EHBP1: variants seen among roughly 807,000 people sequenced by gnomAD.
EHBP1 encodes the protein EH domain binding protein 1, also known as EH domain-binding protein 1.
In EHBP1, 55 loss-of-function variants were observed where a neutral mutation model predicts 144.0. That is an observed-to-expected ratio of 0.38 (90% confidence interval 0.31 to 0.48). The LOEUF (loss-of-function observed/expected upper bound fraction) is 0.48. EHBP1 is among the 20% of genes least tolerant of loss of function. EHBP1 has a pLI of 0.98. For synonymous variants in EHBP1, 469 were observed against 472.7 expected (o/e 0.99, Z 0.10); for missense variants, 1,200 against 1,364.2 (o/e 0.88, Z 1.90).
intron 2 of EHBP1, among the ~76,000 whole-genome samples, chr2:62,732,272 T>C (rs1385930950): frequency 6.6e-6 from 1 of 152,224 alleles, no homozygotes; most frequent in African/African-American, 2.4e-5. Context: ...TTGGTGTCTA[T>C]TAATTTTTGG....
intron 5 of EHBP1, among the ~76,000 whole-genome samples, chr2:62,785,514 T>A (rs919050145): frequency 2.6e-5 from 4 of 152,154 alleles, no homozygotes; most frequent in African/African-American, 9.7e-5. Flanking sequence ...TCCAGATTTC[T>A]AGTTTGAATG....
intron 10 of EHBP1, among the ~76,000 whole-genome samples, chr2:62,931,430 G>C (rs1490048928): frequency 6.6e-6 from 1 of 152,154 alleles, no homozygotes; most frequent in African/African-American, 2.4e-5. Flanking sequence ...CTTGTGCACT[G>C]ATGGTGTGAA....
chr2:62,805,936 T>C (rs2044414232), intron 5 of EHBP1, among the ~76,000 whole-genome samples: 2 of 152,206 alleles, frequency 1.3e-5, no homozygotes, highest in African/African-American at 4.8e-5. Context: ...AAAGTGATCA[T>C]TGATATCATC....
intron 9 of EHBP1, 117 bp downstream of exon 9, chr2:62,865,088 T>C: frequency 8.6e-7 from 1 of 1,161,126 alleles, no homozygotes; most frequent in Non-Finnish European, 1.2e-6. Flanking sequence ...TATAAGTCAG[T>C]ATCTAACTCG....
At chr2:62,873,384 CAAAG>C (rs1161119911) in intron 9 of EHBP1, among the ~76,000 whole-genome samples, 1 of 151,520 alleles carries the variant, frequency 6.6e-6, no homozygotes, top group Non-Finnish European at 1.5e-5. Context: ...ATATTAGACA[CAAAG>C]AAAAAATGAA....
intron 5 of EHBP1, among the ~76,000 whole-genome samples, chr2:62,772,621 G>T (rs1020582240): frequency 6.6e-6 from 1 of 152,222 alleles, no homozygotes; most frequent in Non-Finnish European, 1.5e-5. Context: ...TACAAGCTCT[G>T]TGATCACTGG....
At chr2:62,978,243 C>G (rs2058805437) in intron 14 of EHBP1, among the ~76,000 whole-genome samples, 1 of 150,908 alleles carries the variant, frequency 6.6e-6, no homozygotes, top group Non-Finnish European at 1.5e-5. Flanking sequence ...GCTCTGTCGC[C>G]AGGCTGGAGT....
At chr2:62,832,728 T>C (rs1415412514) in intron 7 of EHBP1, among the ~76,000 whole-genome samples, 2 of 152,202 alleles carry the variant, frequency 1.3e-5, no homozygotes, top group African/African-American at 4.8e-5. Context: ...AAGTGTGTTC[T>C]GACTGATCCA....
At chr2:62,994,111 A>T in intron 18 of EHBP1, 134 bp downstream of exon 18, 1 of 553,276 alleles carries the variant, frequency 1.8e-6, no homozygotes. Context: ...AAGCAGAGTG[A>T]GAGGGGTGCA....
chr2:63,037,933 A>G (rs74507459), intron 20 of EHBP1, among the ~76,000 whole-genome samples: 3,293 of 152,200 alleles, frequency 0.022, 140 homozygotes, highest in South Asian at 0.18. Context: ...ATATTGAGAG[A>G]GGGGAAGATA....
At chr2:62,941,808 G>A (rs1447429547) in intron 10 of EHBP1, among the ~76,000 whole-genome samples, 1 of 152,100 alleles carries the variant, frequency 6.6e-6, no homozygotes, top group East Asian at 1.9e-4. Context: ...AAGATTTAAA[G>A]TCCGGAAACA....
intron 21 of EHBP1, among the ~76,000 whole-genome samples, chr2:63,042,828 T>C (rs928126948): frequency 1.3e-5 from 2 of 151,908 alleles, no homozygotes; most frequent in Non-Finnish European, 2.9e-5. Context: ...ATTAAGAAAA[T>C]TATATGTGTT....
chr2:62,881,418 G>GAAAAAAA (rs371288881), intron 10 of EHBP1, among the ~76,000 whole-genome samples: 1 of 69,792 alleles, frequency 1.4e-5, no homozygotes, highest in Non-Finnish European at 2.7e-5. Flanking sequence ...AGGAAAAACG[G>GAAAAAAA]AAAAAAAAAA....
At chr2:62,841,236 A>G (rs991959748) in intron 7 of EHBP1, among the ~76,000 whole-genome samples, 2 of 151,732 alleles carry the variant, frequency 1.3e-5, no homozygotes, top group Non-Finnish European at 2.9e-5. Flanking sequence ...AAACTATCGC[A>G]AGATCAAAAA....
intron 5 of EHBP1, among the ~76,000 whole-genome samples, chr2:62,793,546 A>G (rs2043315641): frequency 6.6e-6 from 1 of 152,252 alleles, no homozygotes. Context: ...CAAGTAGATC[A>G]TATAAAATGA....
intron 19 of EHBP1, among the ~76,000 whole-genome samples, chr2:63,032,949 C>T (rs576646647): frequency 6.6e-5 from 10 of 152,284 alleles, no homozygotes; most frequent in African/African-American, 2.2e-4. Flanking sequence ...GGTTTTAAGA[C>T]AATTAAACTG....
At chr2:62,858,822 T>C (rs942532144) in intron 7 of EHBP1, among the ~76,000 whole-genome samples, 2 of 152,196 alleles carry the variant, frequency 1.3e-5, no homozygotes, top group Non-Finnish European at 2.9e-5. Context: ...TATTTGCTTA[T>C]CATAAGCCCA....
intron 20 of EHBP1, 41 bp downstream of exon 20, chr2:63,037,675 A>G: frequency 8.0e-7 from 1 of 1,256,722 alleles, no homozygotes; most frequent in Admixed American, 2.1e-5. Context: ...TACAACATTG[A>G]TAAATCTTAG....
intron 7 of EHBP1, among the ~76,000 whole-genome samples, chr2:62,845,539 T>TAGG (rs1432879689): frequency 1.3e-5 from 2 of 152,106 alleles, no homozygotes; most frequent in Non-Finnish European, 2.9e-5. Context: ...TGGAGATAAG[T>TAGG]AGGTATCCCA....
Sources: allele counts gnomAD v4.1 joint callset (sites outside exome capture counted in the v4.1 genomes callset), GRCh38; gene constraint gnomAD v4.1.1; transcripts MANE v1.5; gene names NCBI Gene and HGNC (gene_info 2026-07-23, HGNC 2026-07-21).